MYT1L: variants seen among roughly 807,000 people sequenced by gnomAD.
MYT1L encodes the protein myelin transcription factor 1-like protein.
MYT1L carries 12 observed loss-of-function variants against 126.7 expected under a neutral mutation model. That is an observed-to-expected ratio of 0.09 (90% CI 0.06 to 0.15). The LOEUF (loss-of-function observed/expected upper bound fraction) is 0.15. Ranked by LOEUF, MYT1L falls within the 10% of genes least tolerant of loss-of-function variation. The pLI is 1.00. For missense variants in MYT1L, 979 were observed against 1,585.2 expected (o/e 0.62, Z 6.49); for synonymous variants, 541 against 604.2 (o/e 0.90, Z 1.53).
chr2:1,971,981 C>T (rs1226007438), intron 8 of MYT1L, among the ~76,000 whole-genome samples: 2 of 152,286 alleles, frequency 1.3e-5, no homozygotes, highest in East Asian at 1.9e-4. Flanking sequence ...TATGCATGCC[C>T]TATCTTCTGA....
At chr2:2,272,802 G>T (rs2095289024) in intron 2 of MYT1L, among the ~76,000 whole-genome samples, 1 of 152,146 alleles carries the variant, frequency 6.6e-6, no homozygotes, top group Non-Finnish European at 1.5e-5. Context: ...GCTGCTCGGA[G>T]GAACTCTTGG....
chr2:2,120,870 T>G (rs967710851), intron 3 of MYT1L, among the ~76,000 whole-genome samples: 1 of 151,636 alleles, frequency 6.6e-6, no homozygotes, highest in Non-Finnish European at 1.5e-5. Flanking sequence ...TCCTACCAGC[T>G]GTCCCCATTG....
chr2:1,823,695 C>T (rs1379266215), intron 21 of MYT1L, among the ~76,000 whole-genome samples: 7 of 151,040 alleles, frequency 4.6e-5, no homozygotes, highest in Admixed American at 2.0e-4. Context: ...CGTGGCTGGC[C>T]GCATGTTCAG....
chr2:2,108,633 A>G (rs1211233041), intron 3 of MYT1L, among the ~76,000 whole-genome samples: 6 of 152,246 alleles, frequency 3.9e-5, no homozygotes, highest in Non-Finnish European at 7.3e-5. Flanking sequence ...AGCATTGCTT[A>G]AAAGCTGGTT....
Position 1,887,205 on chromosome 2 carries a change from C to A in MYT1L, c.2642+283G>T. 1 of 413,852 alleles carries A rather than the reference C, an allele frequency of 2.4e-6. No individual in the cohort carries two copies. The highest frequency in any genetic ancestry group is 4.2e-6 in the Non-Finnish European group (1 of 235,758). The allele number at this position is 413,852 out of a possible 1,614,324, so 25.6% of individuals were successfully genotyped here. ...AACTTTTAAAAAAGTTTCATTGTTT[C>A]CAGTTTAGCTGCAATGTCTGCAAGG... On this transcript the variant is annotated intron_variant, in intron 17 of 24. Transcript: ENST00000647738. This position sits in a 1 kb window ranked among gnomAD's most constrained non-coding sequence, Gnocchi z 4.8.
At chr2:1,956,195 A>ATCTATCTC (rs1558529548) in intron 8 of MYT1L, among the ~76,000 whole-genome samples, 2 of 79,336 alleles carry the variant, frequency 2.5e-5, no homozygotes, top group African/African-American at 9.9e-5. Flanking sequence ...CTAGCTGTCT[A>ATCTATCTC]TCTATCTATC....
chr2:2,273,710 G>T (rs920355933), intron 2 of MYT1L, among the ~76,000 whole-genome samples: 3 of 152,208 alleles, frequency 2.0e-5, no homozygotes, highest in African/African-American at 7.2e-5. Context: ...GTACCCAGCT[G>T]TGAGGACTGC....
rs546874068 is a variant in MYT1L at position 2,197,786 on chromosome 2, A to C, written c.-420-24798T>G. On this transcript the variant is annotated intron_variant, in intron 2 of 24. Transcript: ENST00000647738. The stretch of plus-strand genomic sequence containing the variant: ...ACACAATGAATGTGTAGAGATGTAT[A>C]TAACATATACACACATATATACACA... Among the ~76,000 whole-genome samples the C allele has an allele frequency of 2.0e-5, 3 of 149,782 alleles. No homozygotes were observed. The South Asian group carries it at 6.4e-4, about 32-fold the overall frequency.
intron 2 of MYT1L, among the ~76,000 whole-genome samples, chr2:2,231,408 C>T (rs914706489): frequency 3.9e-5 from 6 of 151,996 alleles, no homozygotes; most frequent in Admixed American, 6.6e-5. Flanking sequence ...TTTCAAGGCT[C>T]GTTAGGCAAA....
intron 3 of MYT1L, among the ~76,000 whole-genome samples, chr2:2,094,506 A>C (rs1319874412): frequency 6.6e-6 from 1 of 152,226 alleles, no homozygotes; most frequent in Non-Finnish European, 1.5e-5. Flanking sequence ...ACAATAGCAA[A>C]GACTTGGAAC....
chr2:1,917,176 C>T lies in MYT1L; in HGVS notation c.1618+29G>A, dbSNP rs747264734. Reference sequence around the variant, plus strand: ...GACAGAGTCATGGGTGTTTGCACCCCCAAGGGTAGCGGTGAGACGTGGACT... The same window carrying T: ...GACAGAGTCATGGGTGTTTGCACCCTCAAGGGTAGCGGTGAGACGTGGACT... On this transcript the variant is annotated intron_variant, in intron 11 of 24. Transcript: ENST00000647738. This position sits in a 1 kb window ranked among gnomAD's most constrained non-coding sequence, Gnocchi z 5.9. The T allele has an allele frequency of 4.4e-6, 7 of 1,603,138 alleles. No homozygotes were observed. Among genetic ancestry groups the T allele is most frequent in the Non-Finnish European group, 6.0e-6 (7 of 1,172,278 alleles).
chr2:2,101,326 T>C (rs890274758), intron 3 of MYT1L, among the ~76,000 whole-genome samples: 2 of 152,142 alleles, frequency 1.3e-5, no homozygotes, highest in African/African-American at 4.8e-5. Flanking sequence ...CTCTCTCATA[T>C]GCCATTCACA....
At chr2:2,076,782 GA>G (rs1245886991) in intron 3 of MYT1L, among the ~76,000 whole-genome samples, 1 of 146,838 alleles carries the variant, frequency 6.8e-6, no homozygotes, top group Non-Finnish European at 1.5e-5. Context: ...CAAAAAGCAT[GA>G]GAGATACAAA....
intron 3 of MYT1L, among the ~76,000 whole-genome samples, chr2:2,154,375 C>T (rs1206194803): frequency 6.6e-6 from 1 of 152,120 alleles, no homozygotes; most frequent in Non-Finnish European, 1.5e-5. Context: ...AGAATAGATA[C>T]TAGAGTCTAT....
At chr2:1,907,549 T>C (rs1396961208) in intron 13 of MYT1L, among the ~76,000 whole-genome samples, 1 of 150,556 alleles carries the variant, frequency 6.6e-6, no homozygotes, top group Non-Finnish European at 1.5e-5. Flanking sequence ...CAGAGGGAGG[T>C]AGGAGGGGAG....
chr2:2,262,441 C>A (rs1417390456), intron 2 of MYT1L, among the ~76,000 whole-genome samples: 1 of 151,690 alleles, frequency 6.6e-6, no homozygotes, highest in Non-Finnish European at 1.5e-5. Context: ...GCCTGTAATC[C>A]CAGCACTTTG....
intron 2 of MYT1L, among the ~76,000 whole-genome samples, chr2:2,203,225 C>A (rs1396522033): frequency 3.4e-5 from 5 of 147,748 alleles, no homozygotes; most frequent in African/African-American, 1.3e-4. Flanking sequence ...ACAGGGATGC[C>A]CTCTCTCACC....
chr2:1,912,037 G>A lies in MYT1L; in HGVS notation c.1692C>T (p.Asn564=). 1 of 1,595,748 alleles carries A rather than the reference G, an allele frequency of 6.3e-7. No individual in the cohort carries two copies. The highest frequency in any genetic ancestry group is 8.6e-7 in the Non-Finnish European group (1 of 1,167,602). The change falls in exon 12 of 25, where the codon AAC becomes AAT. Residue 564 remains asparagine, a synonymous_variant. Coordinates refer to ENST00000647738, the MANE Select transcript of MYT1L (RefSeq NM_001303052.2). The surrounding 1 kb of genome is among the most constrained non-coding windows in gnomAD (Gnocchi z 4.3). Reference sequence around the variant, plus strand: ...TGGCTTACCTTCGGTGGGAGTTCCTGTTGCTGTTGACATGCCCGCGCCCCG... The same window carrying A: ...TGGCTTACCTTCGGTGGGAGTTCCTATTGCTGTTGACATGCCCGCGCCCCG... ...GCTGRGHVNS[N]RNSHRSLSGC... is the part of the protein sequence containing the mutation.
intron 2 of MYT1L, among the ~76,000 whole-genome samples, chr2:2,199,150 A>G (rs2092949292): frequency 6.6e-6 from 1 of 152,240 alleles, no homozygotes; most frequent in Non-Finnish European, 1.5e-5. Context: ...GAAGAACATC[A>G]CAATGAGATC....
Sources: allele counts gnomAD v4.1 joint callset (sites outside exome capture counted in the v4.1 genomes callset), GRCh38; gene constraint gnomAD v4.1.1; non-coding constraint Gnocchi (gnomAD v3.1); transcripts MANE v1.5; gene names NCBI Gene and HGNC (gene_info 2026-07-23, HGNC 2026-07-21).